Variants in PAM observed in about 807,000 individuals in gnomAD.
PAM encodes the protein peptidylglycine alpha-amidating monooxygenase, also known as peptidyl-glycine alpha-amidating monooxygenase.
A neutral mutation model predicts 122.1 loss-of-function variants in PAM; 72 were observed. The observed-to-expected ratio is 0.59, with a 90% CI of 0.49 to 0.72. The LOEUF is 0.72. Among genes scored for constraint, PAM ranks in the 30% least tolerant of loss-of-function variants. PAM has a pLI of 0.00. For synonymous variants in PAM, 389 were observed against 404.4 expected (o/e 0.96, Z 0.46); for missense variants, 1,106 against 1,183.7 (o/e 0.93, Z 0.96).
intron 23 of PAM, 87 bp from the exon 24 acceptor site, chr5:103,025,044 G>A (rs1784560524): frequency 2.3e-6 from 2 of 880,836 alleles, no homozygotes; most frequent in Non-Finnish European, 3.6e-6. Flanking sequence ...TTTGTGAACA[G>A]TTATTGATTT....
intron 1 of PAM, among the ~76,000 whole-genome samples, chr5:102,778,416 G>A (rs1757758747): frequency 6.6e-6 from 1 of 151,938 alleles, no homozygotes; most frequent in Admixed American, 6.6e-5. Context: ...GTAAACAAGA[G>A]GAAAAATTAA....
chr5:102,766,707 G>T (rs1416730482), intron 1 of PAM, among the ~76,000 whole-genome samples: 1 of 152,102 alleles, frequency 6.6e-6, no homozygotes. Context: ...ACTTATTTTA[G>T]AATTCAACAA....
At chr5:102,780,595 C>G (rs936654620) in intron 1 of PAM, among the ~76,000 whole-genome samples, 2 of 151,936 alleles carry the variant, frequency 1.3e-5, no homozygotes, top group African/African-American at 4.8e-5. Context: ...CATGGTGTAC[C>G]TCCCGACTGA....
chr5:102,832,558 A>G (rs533463465), intron 1 of PAM, among the ~76,000 whole-genome samples: 33 of 152,312 alleles, frequency 2.2e-4, no homozygotes, highest in Admixed American at 1.8e-3. Flanking sequence ...AAATAGAACA[A>G]TTATAACAAT....
intron 3 of PAM, among the ~76,000 whole-genome samples, chr5:102,879,058 A>C (rs1790130428): frequency 6.6e-6 from 1 of 152,056 alleles, no homozygotes; most frequent in African/African-American, 2.4e-5. Flanking sequence ...CCTCCCGAGT[A>C]GCTGGGACTA....
rs1221721461 is a variant in PAM at position 102,768,452 on chromosome 5, A to AT, written c.-374+13110dup. ...GTACTAGATCTTACTTATCCTTTCC[A>AT]TTTTTTATGCCCATTAACCATCCCA... On this transcript the variant is annotated intron_variant, in intron 1 of 25. Transcript: ENST00000438793. 2.2e-4 allele frequency among the ~76,000 whole-genome samples: 33 copies of AT among 151,542 alleles called. No homozygotes were observed. The East Asian group carries it at 2.7e-3, about 13-fold the overall frequency.
chr5:102,779,905 A>AT (rs1561423370), intron 1 of PAM, among the ~76,000 whole-genome samples: 3 of 106,282 alleles, frequency 2.8e-5, no homozygotes, highest in African/African-American at 1.2e-4. Flanking sequence ...ATATATATAT[A>AT]TATATATATA....
At chr5:103,019,692 A>C in intron 22 of PAM, 98 bp from the exon 23 acceptor site, 3 of 785,102 alleles carry the variant, frequency 3.8e-6, no homozygotes, top group Non-Finnish European at 4.5e-6. Flanking sequence ...TGAATTAAGG[A>C]AATATTTTCT....
At chr5:102,876,433 G>A (rs1431718878) in intron 3 of PAM, among the ~76,000 whole-genome samples, 1 of 152,130 alleles carries the variant, frequency 6.6e-6, no homozygotes, top group Non-Finnish European at 1.5e-5. Flanking sequence ...AGAGTTTCCT[G>A]CACCACTCAC....
chr5:102,777,396 T>G (rs908535259), intron 1 of PAM, among the ~76,000 whole-genome samples: 58 of 152,234 alleles, frequency 3.8e-4, no homozygotes, highest in African/African-American at 1.3e-3. Context: ...CCCAGCCCTA[T>G]TATCTGTTCC....
rs565499568 is a variant in PAM at position 102,828,121 on chromosome 5, T to C, written c.-373-37702T>C. On this transcript the variant is annotated intron_variant, in intron 1 of 25. Coordinates refer to ENST00000438793, the MANE Select transcript of PAM (RefSeq NM_001177306.2). Reference sequence around the variant, plus strand: ...TAGGAGGCCGAGGCCAGCAGATTGCTTCAGCTCTGGAGTTCAAGACGAGCC... The same window carrying C: ...TAGGAGGCCGAGGCCAGCAGATTGCCTCAGCTCTGGAGTTCAAGACGAGCC... 1.6e-4 allele frequency among the ~76,000 whole-genome samples: 25 copies of C among 152,208 alleles called. No homozygotes were observed. The South Asian group carries it at 5.2e-3, about 32-fold the overall frequency.
chr5:102,767,486 T>G (rs140327221), intron 1 of PAM, among the ~76,000 whole-genome samples: 1 of 152,182 alleles, frequency 6.6e-6, no homozygotes, highest in Non-Finnish European at 1.5e-5. Context: ...GGCTTGCCAG[T>G]TTAAAAGTTT....
chr5:102,836,582 G>T (rs1475250963), intron 1 of PAM, among the ~76,000 whole-genome samples: 1 of 152,074 alleles, frequency 6.6e-6, no homozygotes, highest in Non-Finnish European at 1.5e-5. Context: ...GTAGCTGAGG[G>T]ATTGATGCCA....
At chr5:102,815,982 C>A (rs1438722794) in intron 1 of PAM, among the ~76,000 whole-genome samples, 1 of 152,058 alleles carries the variant, frequency 6.6e-6, no homozygotes, top group Non-Finnish European at 1.5e-5. Context: ...ATTTTTTCAT[C>A]TTTTCAATAA....
At position 103,029,093 on chromosome 5, in the gene PAM, A is replaced by G; in HGVS notation, c.*28A>G. 6.4e-7 allele frequency: 1 copy of G among 1,565,052 alleles called. No individual in the cohort carries two copies. The highest frequency in any genetic ancestry group is 8.7e-7 in the Non-Finnish European group (1 of 1,152,378). ...ACCAAGCTTTGATTTAGATTGAGTA[A>G]GATTTACCCAGAATGTCAGATTCCT... On this transcript the variant is annotated 3_prime_UTR_variant, in exon 26 of 26. Coordinates refer to ENST00000438793, the MANE Select transcript of PAM (RefSeq NM_001177306.2).
chr5:102,842,160 CAAAG>C (rs1178478470), intron 1 of PAM, among the ~76,000 whole-genome samples: 8 of 150,350 alleles, frequency 5.3e-5, no homozygotes, highest in Admixed American at 4.6e-4. Context: ...GCATAGAACA[CAAAG>C]AAAAAATATC....
chr5:103,007,549 C>T lies in PAM; in HGVS notation c.2107C>T (p.Arg703Trp), dbSNP rs368301013. 3.6e-5 allele frequency: 58 copies of T among 1,613,636 alleles called. No individual in the cohort carries two copies. Among genetic ancestry groups the T allele is most frequent in the East Asian group, 2.0e-4 (9 of 44,876 alleles). ...PLLGQLCVAD[R>W]ENGRIQCFKT... ...TTTGGGCCAATTATGTGTGGCAGACCGGGAAAATGGTCGGATCCAGTGTTT... is the reference window on the plus strand; with the variant it reads ...TTTGGGCCAATTATGTGTGGCAGACTGGGAAAATGGTCGGATCCAGTGTTT... The change falls in exon 20 of 26, where the codon CGG becomes TGG. Residue 703 changes from arginine (R) to tryptophan (W), a missense_variant. By Grantham distance (101) the Arg-to-Trp change is moderately radical. Around this residue, in one of 3 missense-constraint regions of PAM, gnomAD observed 333 missense variants for 335.6 expected, o/e 0.99. Transcript: ENST00000438793.
intron 1 of PAM, among the ~76,000 whole-genome samples, chr5:102,780,761 TTCTTTC>T (rs1323261142): frequency 2.9e-4 from 8 of 27,970 alleles, no homozygotes; most frequent in Non-Finnish European, 5.6e-4. Flanking sequence ...TTCTCTTTCT[TTCTTTC>T]TTTCTTTCTT....
At chr5:102,877,213 A>G (rs1789502382) in intron 3 of PAM, among the ~76,000 whole-genome samples, 1 of 152,250 alleles carries the variant, frequency 6.6e-6, no homozygotes, top group Admixed American at 6.5e-5. Flanking sequence ...TGTAAAACAC[A>G]GTAAATGCTC....
Sources: gnomAD v4.1 joint callset for allele counts (sites outside exome capture counted in the v4.1 genomes callset) on GRCh38, gnomAD v4.1.1 for gene constraint, gnomAD v4.1.1 regional missense constraint, MANE v1.5 for transcripts, NCBI Gene and HGNC (gene_info 2026-07-23, HGNC 2026-07-21) for gene names.